ATP2A1: variants seen among roughly 807,000 people sequenced by gnomAD.
ATP2A1 encodes the protein ATPase sarcoplasmic/endoplasmic reticulum Ca2+ transporting 1.
ATP2A1 carries 83 observed loss-of-function variants against 109.5 expected under a neutral mutation model. The observed-to-expected ratio is 0.76, with a 90% confidence interval of 0.63 to 0.91. ATP2A1 has a LOEUF of 0.91. ATP2A1 is among the 40% of genes least tolerant of loss of function. The pLI, the probability that ATP2A1 is intolerant of heterozygous loss-of-function variation, is 0.00. For synonymous variants in ATP2A1, 505 were observed against 537.6 expected (o/e 0.94, Z 0.84); for missense variants, 1,101 against 1,341.0 (o/e 0.82, Z 2.80).
chr16:28,900,899 G>A lies in ATP2A1; in HGVS notation c.2083G>A (p.Asp695Asn), dbSNP rs986202909. Residue 695 changes from aspartate (D) to asparagine (N), a missense_variant, in exon 15 of 23, where the codon GAT (aspartate) becomes AAT (asparagine). Transcript: ENST00000395503. The stretch of plus-strand genomic sequence containing the variant: ...GATTGTGGAGTACCTGCAGTCCTAC[G>A]ATGAGATCACAGCCATGGTGAGAGG... The part of the protein sequence containing the change: ...SKIVEYLQSY[D>N]EITAMTGDGV... The A allele has an allele frequency of 9.9e-6, 16 of 1,614,026 alleles. No homozygotes were observed. Among genetic ancestry groups the A allele is most frequent in the Admixed American group, 3.3e-5 (2 of 60,002 alleles).
intron 14 of ATP2A1, among the ~76,000 whole-genome samples, chr16:28,900,256 G>A (rs981164380): frequency 1.0e-4 from 15 of 150,584 alleles, no homozygotes; most frequent in African/African-American, 3.2e-4. Flanking sequence ...AGCTATGATC[G>A]CACCGTTGTA....
intron 5 of ATP2A1, 142 bp downstream of exon 5, chr16:28,882,731 C>T: frequency 7.6e-7 from 1 of 1,322,214 alleles, no homozygotes; most frequent in Non-Finnish European, 1.0e-6. Context: ...AGAAGGTCAT[C>T]CCAGGCCACT....
intron 12 of ATP2A1, 130 bp downstream of exon 12, chr16:28,895,083 C>A: frequency 7.4e-7 from 1 of 1,355,886 alleles, no homozygotes; most frequent in Non-Finnish European, 1.0e-6. Context: ...CAGACAGCCC[C>A]TGCAGCTTCT....
intron 14 of ATP2A1, among the ~76,000 whole-genome samples, chr16:28,899,465 T>C (rs567366257): frequency 4.9e-4 from 73 of 149,838 alleles, no homozygotes; most frequent in African/African-American, 1.8e-3. Context: ...ATGGTGAAAC[T>C]CCATCTCTAC....
Position 28,902,772 on chromosome 16 carries a change from C to T in ATP2A1, c.2611-6C>T, listed in dbSNP as rs1415341891. 1.9e-6 allele frequency: 3 copies of T among 1,613,950 alleles called. No individual in the cohort carries two copies. Among genetic ancestry groups the T allele is most frequent in the East Asian group, 4.5e-5 (2 of 44,884 alleles). On this transcript the variant is annotated splice_region_variant and splice_polypyrimidine_tract_variant and intron_variant, in intron 18 of 22. Transcript: ENST00000395503. The surrounding 1 kb of genome is among the most constrained non-coding windows in gnomAD (Gnocchi z 4.8). ...TGGACCTCAGTCTCCCGTACCTTCC[C>T]TGCAGACTCACTTCATGCAGTGCAC...
chr16:28,879,949 C>T (rs1419074734), intron 3 of ATP2A1: 3 of 982,604 alleles, frequency 3.1e-6, no homozygotes, highest in Non-Finnish European at 3.7e-6. Context: ...GCCGGGCGGA[C>T]GGCCGCTCCA....
rs1963968382 is a variant in ATP2A1 at position 28,898,097 on chromosome 16, C to T, written c.1517C>T (p.Ala506Val). ...TGCTCCCCAGCCAAATCTTCCCGGG[C>T]TGCTGTGGGCAACAAGATGTTTGTC... is the stretch of plus-strand genomic sequence containing the variant. ...VYCSPAKSSR[A>V]AVGNKMFVKG... The change falls in exon 13 of 23, where the codon GCT (alanine) becomes GTT (valine). Residue 506 changes from alanine to valine, a missense_variant. Physicochemically the swap from Ala to Val is moderately conservative, Grantham distance 64. Coordinates refer to ENST00000395503, the MANE Select transcript of ATP2A1 (RefSeq NM_004320.6). The surrounding 1 kb of genome is among the most constrained non-coding windows in gnomAD (Gnocchi z 4.0). The T allele has an allele frequency of 6.2e-7, 1 of 1,614,174 alleles. No homozygotes were observed. Among genetic ancestry groups the T allele is most frequent in the Non-Finnish European group, 8.5e-7 (1 of 1,180,020 alleles).
rs774177721 is a variant in ATP2A1, at chr16:28,887,217, G to A, written c.573G>A (p.Thr191=). 1.5e-5 allele frequency: 24 copies of A among 1,613,626 alleles called. No homozygotes were observed. Among genetic ancestry groups the A allele is most frequent in the Admixed American group, 1.2e-4 (7 of 59,932 alleles). The change falls in exon 7 of 23, where the codon ACG becomes ACA. Residue 191 remains threonine (T), a synonymous_variant. Transcript: ENST00000395503. ...TGESVSVIKH[T]EPVPDPRAVN... ...AGTCTGTATCTGTCATCAAACACAC[G>A]GAGCCCGTTCCTGACCCCCGAGCTG...
At position 28,882,532 on chromosome 16, in the gene ATP2A1, T is replaced by G. The variant is rs1963516640; in HGVS notation, c.406T>G (p.Ser136Ala). The G allele has an allele frequency of 1.9e-6, 3 of 1,614,018 alleles. No individual in the cohort carries two copies. The Admixed American group carries it at 5.0e-5, about 27-fold the overall frequency. Residue 136 changes from serine (S) to alanine (A), a missense_variant, in exon 5 of 23, where the codon TCA (serine) becomes GCA (alanine). Transcript: ENST00000395503. ...MGKVYRADRK[S>A]VQRIKARDIV... The stretch of plus-strand genomic sequence containing the variant: ...GAAGGTCTACCGGGCTGACCGCAAG[T>G]CAGTGCAAAGGATCAAGGCTCGGGA...
Position 28,898,491 on chromosome 16 carries a change from A to C in ATP2A1, c.1764+40A>C. 6 of 1,588,598 alleles carry C rather than the reference A, an allele frequency of 3.8e-6. No individual in the cohort carries two copies. The highest frequency in any genetic ancestry group is 4.3e-6 in the Non-Finnish European group (5 of 1,167,252). On this transcript the variant is annotated intron_variant, in intron 14 of 22. Transcript: ENST00000395503. This position sits in a 1 kb window ranked among gnomAD's most constrained non-coding sequence, Gnocchi z 4.0. ...GCCTCCCACTGTCGTGGAGCTGGTG[A>C]AGGGCCGGGTCCCAGCCATCCACTC...
intron 4 of ATP2A1, among the ~76,000 whole-genome samples, chr16:28,882,100 CTTTTTTTTTTTT>C (rs778416146): frequency 1.5e-4 from 14 of 90,412 alleles, no homozygotes; most frequent in African/African-American, 3.1e-4. Flanking sequence ...CTACGCCCGG[CTTTTTTTTTTTT>C]TTTTTTTTTT....
Position 28,887,443 on chromosome 16 carries a change from G to T in ATP2A1, c.649G>T (p.Gly217Cys), listed in dbSNP as rs763205557. Residue 217 changes from glycine to cysteine, a missense_variant, in exon 8 of 23, where the codon GGC (glycine) becomes TGC (cysteine). Coordinates refer to ENST00000395503, the MANE Select transcript of ATP2A1 (RefSeq NM_004320.6). ...TTCCCAGGGCACCAACATTGCAGCC[G>T]GCAAGGCCTTGGGCATCGTGGCCAC... is the stretch of plus-strand genomic sequence containing the variant. ...MLFSGTNIAAGKALGIVATTG... is the reference protein window; with the variant it reads ...MLFSGTNIAACKALGIVATTG... 1 of 1,613,914 alleles carries T rather than the reference G, an allele frequency of 6.2e-7. No individual in the cohort carries two copies. The highest frequency in any genetic ancestry group is 8.5e-7 in the Non-Finnish European group (1 of 1,180,028).
Position 28,880,959 on chromosome 16 carries a change from T to C in ATP2A1, c.264T>C (p.Phe88=). Residue 88 remains phenylalanine, a synonymous_variant, in exon 4 of 23, where the codon TTT becomes TTC. Transcript: ENST00000395503. This position sits in a 1 kb window ranked among gnomAD's most constrained non-coding sequence, Gnocchi z 4.2. ...AAGGTGAAGAGACCATCACTGCCTT[T>C]GTTGAACCCTTTGTCATCCTCTTGA... The part of the protein sequence containing the change: ...FEEGEETITA[F]VEPFVILLIL... The C allele has an allele frequency of 6.2e-7, 1 of 1,614,222 alleles. No individual in the cohort carries two copies. Among genetic ancestry groups the C allele is most frequent in the Non-Finnish European group, 8.5e-7 (1 of 1,180,034 alleles).
In ATP2A1 at chr16:28,902,639, G is replaced by A. The variant is rs1017066759; in HGVS notation, c.2584G>A (p.Gly862Arg). ...CTGGTGGTTCCTGTACGCTGAGGAT[G>A]GGCCTCATGTCAACTACAGCCAGCT... ...AAWWFLYAED[G>R]PHVNYSQLTH... is the part of the protein sequence containing the mutation. The change falls in exon 18 of 23, where the codon GGG becomes AGG. Residue 862 changes from glycine to arginine, a missense_variant. Gly to Arg is a moderately radical substitution (Grantham distance 125, BLOSUM62 -2). Transcript: ENST00000395503. This position sits in a 1 kb window ranked among gnomAD's most constrained non-coding sequence, Gnocchi z 4.8. 4 of 1,613,934 alleles carry A rather than the reference G, an allele frequency of 2.5e-6. No individual in the cohort carries two copies. The Admixed American group carries it at 5.0e-5, about 20-fold the overall frequency.
rs549044021 is a variant in ATP2A1 at position 28,882,604 on chromosome 16, C to G, written c.463+15C>G. On this transcript the variant is annotated intron_variant, in intron 5 of 22. Coordinates refer to ENST00000395503, the MANE Select transcript of ATP2A1 (RefSeq NM_004320.6). Reference sequence around the variant, plus strand: ...GGAGGTGGCTGGTGAGTGACAGGGACGGCTGGTCCAGGATGGGAGGCCTTG... The same window carrying G: ...GGAGGTGGCTGGTGAGTGACAGGGAGGGCTGGTCCAGGATGGGAGGCCTTG... 6.2e-7 allele frequency: 1 copy of G among 1,613,758 alleles called. No individual in the cohort carries two copies. The highest frequency in any genetic ancestry group is 8.5e-7 in the Non-Finnish European group (1 of 1,179,856).
intron 14 of ATP2A1, 118 bp from the exon 15 acceptor site, chr16:28,900,463 T>TCCCCC: frequency 2.2e-5 from 21 of 946,142 alleles, no homozygotes; most frequent in East Asian, 1.3e-4. Context: ...GGTTCAGGCT[T>TCCCCC]CCCACCCCTC....
chr16:28,904,019 G>C (rs1052117486), intron 22 of ATP2A1, among the ~76,000 whole-genome samples, 161 bp from the exon 23 acceptor site: 2 of 94,246 alleles, frequency 2.1e-5, no homozygotes, highest in African/African-American at 4.4e-5. Flanking sequence ...GGGCTGCAGT[G>C]GGGGGGGGCG....
intron 9 of ATP2A1, among the ~76,000 whole-genome samples, chr16:28,889,727 C>T (rs894163230): frequency 1.3e-5 from 2 of 152,186 alleles, no homozygotes; most frequent in Non-Finnish European, 2.9e-5. Context: ...TGACAGGGCC[C>T]GGCCAGACTG....
chr16:28,894,648 C>T (rs1352218066), intron 11 of ATP2A1, 41 bp downstream of exon 11: 1 of 1,608,234 alleles, frequency 6.2e-7, no homozygotes, highest in Non-Finnish European at 8.5e-7. Context: ...AGAGTCTGGG[C>T]CTCCTCCGAA....
Sources: gnomAD v4.1 joint callset for allele counts (sites outside exome capture counted in the v4.1 genomes callset) on GRCh38, gnomAD v4.1.1 for gene constraint, Gnocchi (gnomAD v3.1) non-coding constraint, MANE v1.5 for transcripts, NCBI Gene and HGNC (gene_info 2026-07-23, HGNC 2026-07-21) for gene names.